The following CHD6 variants were observed in gnomAD, a reference collection of about 807,000 sequenced individuals.
The protein encoded by CHD6 is chromodomain helicase DNA binding protein 6.
In CHD6, 50 loss-of-function variants were observed where a neutral mutation model predicts 276.9. That is an observed-to-expected ratio of 0.18 (90% CI 0.14 to 0.23). The LOEUF (loss-of-function observed/expected upper bound fraction) is 0.23. Among genes scored for constraint, CHD6 ranks in the 10% least tolerant of loss-of-function variants. The probability of loss-of-function intolerance (pLI) is 1.00; values close to 1 mark genes in which losing one functional copy is unlikely to be tolerated. For synonymous variants in CHD6, 1,173 were observed against 1,229.3 expected (o/e 0.95, Z 0.96); for missense variants, 2,564 against 3,365.8 (o/e 0.76, Z 5.89).
intron 27 of CHD6, among the ~76,000 whole-genome samples, chr20:41,427,505 C>T (rs1265541471): frequency 6.6e-6 from 1 of 152,124 alleles, no homozygotes; most frequent in Non-Finnish European, 1.5e-5. Flanking sequence ...CAGTAACTTG[C>T]CCAAGGTCAC....
chr20:41,613,684 G>A (rs2146311926), intron 1 of CHD6, among the ~76,000 whole-genome samples: 1 of 152,352 alleles, frequency 6.6e-6, no homozygotes, highest in South Asian at 2.1e-4. Flanking sequence ...ATGCAAAGCA[G>A]TTGTTCTAGA....
At chr20:41,481,745 C>A (rs2145822076) in intron 16 of CHD6, among the ~76,000 whole-genome samples, 1 of 151,708 alleles carries the variant, frequency 6.6e-6, no homozygotes, top group Admixed American at 6.6e-5. Context: ...TTTATAGAGT[C>A]CCTTAAAATG....
chr20:41,498,811 ATGTGTGTGTGTG>A (rs71193638), intron 6 of CHD6, among the ~76,000 whole-genome samples: 911 of 86,590 alleles, frequency 0.011, 8 homozygotes, highest in East Asian at 0.065. Flanking sequence ...GTATGTATGT[ATGTGTGTGTGTG>A]TGTGTGTGTG....
chr20:41,549,631 C>G (rs1443619077), intron 2 of CHD6, among the ~76,000 whole-genome samples: 1 of 149,484 alleles, frequency 6.7e-6, no homozygotes, highest in African/African-American at 2.5e-5. Context: ...TACCCTAAAA[C>G]TTAAAGTATA....
intron 36 of CHD6, among the ~76,000 whole-genome samples, chr20:41,406,209 T>C (rs968280423): frequency 6.6e-6 from 1 of 152,234 alleles, no homozygotes; most frequent in Non-Finnish European, 1.5e-5. Flanking sequence ...TCTTGAACAC[T>C]GTTGGGGAAA....
chr20:41,406,750 C>G (rs1338446608), intron 36 of CHD6, among the ~76,000 whole-genome samples: 1 of 152,224 alleles, frequency 6.6e-6, no homozygotes, highest in Non-Finnish European at 1.5e-5. Flanking sequence ...ATGCCTTTCT[C>G]TCTCTCGACT....
At chr20:41,583,696 T>C (rs1415436469) in intron 1 of CHD6, among the ~76,000 whole-genome samples, 3 of 152,078 alleles carry the variant, frequency 2.0e-5, no homozygotes, top group Non-Finnish European at 4.4e-5. Context: ...CAGTGTATTG[T>C]AGAGATTATA....
chr20:41,454,476 G>A (rs2048327719), intron 20 of CHD6, 150 bp downstream of exon 20: 1 of 586,882 alleles, frequency 1.7e-6, no homozygotes, highest in African/African-American at 1.9e-5. Flanking sequence ...ATTGAGTGAT[G>A]TCTATGTGCC....
chr20:41,604,924 G>A (rs559199045), intron 1 of CHD6, among the ~76,000 whole-genome samples: 3 of 152,312 alleles, frequency 2.0e-5, no homozygotes, highest in Non-Finnish European at 4.4e-5. Context: ...ATGGGGGACA[G>A]GGAGTTGGGG....
At chr20:41,554,639 T>G (rs1338880421) in intron 1 of CHD6, among the ~76,000 whole-genome samples, 2 of 151,042 alleles carry the variant, frequency 1.3e-5, no homozygotes, top group Admixed American at 6.6e-5. Flanking sequence ...AAGCACATCT[T>G]GCACCGCCCT....
intron 1 of CHD6, among the ~76,000 whole-genome samples, chr20:41,618,006 G>A (rs1478594269): frequency 6.8e-6 from 1 of 146,482 alleles, no homozygotes; most frequent in East Asian, 2.0e-4. Flanking sequence ...GGGTCTGCCC[G>A]GACCCCCGCC....
At chr20:41,597,483 A>G (rs1261938965) in intron 1 of CHD6, among the ~76,000 whole-genome samples, 1 of 152,100 alleles carries the variant, frequency 6.6e-6, no homozygotes, top group Non-Finnish European at 1.5e-5. Context: ...CAGTTCACCA[A>G]CACCAACCTG....
intron 1 of CHD6, among the ~76,000 whole-genome samples, chr20:41,580,296 T>C (rs1476156060): frequency 6.6e-6 from 1 of 152,158 alleles, no homozygotes; most frequent in Non-Finnish European, 1.5e-5. Context: ...TATTGTACCT[T>C]AACAATATTT....
rs2044739771 is a variant in CHD6, at chr20:41,533,376, C to A, written c.228G>T (p.Met76Ile). Residue 76 changes from methionine (M) to isoleucine (I), a missense_variant, in exon 3 of 37, where the codon ATG becomes ATT. Met to Ile is a conservative substitution (Grantham distance 10). This residue lies in a region of CHD6 where 286 missense variants were observed against 297.8 expected (regional missense o/e 0.96). Coordinates refer to ENST00000373233, the MANE Select transcript of CHD6 (RefSeq NM_032221.5). Reference sequence around the variant, plus strand: ...TGTCCTCCATCCCATTATGGGATGTCATTTTCCTAGGAAAAAGGGTAGCAG... The same window carrying A: ...TGTCCTCCATCCCATTATGGGATGTAATTTTCCTAGGAAAAAGGGTAGCAG... ...EEAATLFPRKMTSHNGMEDSG... is the reference protein window; with the variant it reads ...EEAATLFPRKITSHNGMEDSG... The A allele has an allele frequency of 6.2e-7, 1 of 1,613,970 alleles. No individual in the cohort carries two copies. Among genetic ancestry groups the A allele is most frequent in the African/African-American group, 1.3e-5 (1 of 74,902 alleles).
chr20:41,498,023 C>T (rs2043730159), intron 7 of CHD6, 145 bp downstream of exon 7: 1 of 626,956 alleles, frequency 1.6e-6, no homozygotes, highest in Non-Finnish European at 2.9e-6. Flanking sequence ...GCGTTACTGC[C>T]TAAGGTAAAC....
In CHD6 at chr20:41,473,158, T is replaced by C. The variant is rs1008873744; in HGVS notation, c.2664+164A>G. ...TCTAATTAGTTGGAAGGGTCGACAT[T>C]TACTTTTCATTCAGTTTCACCCCCT... On this transcript the variant is annotated intron_variant, in intron 17 of 36. Coordinates refer to ENST00000373233, the MANE Select transcript of CHD6 (RefSeq NM_032221.5). The surrounding 1 kb of genome is among the most constrained non-coding windows in gnomAD (Gnocchi z 4.1). 1.4e-5 allele frequency: 8 copies of C among 580,818 alleles called. No individual in the cohort carries two copies. The African/African-American group carries it at 1.5e-4, about 11-fold the overall frequency. 36.0% of individuals were successfully genotyped at this position (580,818 alleles called of 1,614,324 possible). A position where few individuals can be genotyped will look rare whatever the true frequency, so the allele number is the denominator to read the frequency against.
chr20:41,569,267 TAGG>T (rs1235858141), intron 1 of CHD6, among the ~76,000 whole-genome samples: 2 of 152,224 alleles, frequency 1.3e-5, no homozygotes, highest in Non-Finnish European at 2.9e-5. Flanking sequence ...GCAGAATATT[TAGG>T]AGGCCACTTT....
At chr20:41,556,319 A>AGGGAGG (rs2045236513) in intron 1 of CHD6, among the ~76,000 whole-genome samples, 3 of 115,266 alleles carry the variant, frequency 2.6e-5, no homozygotes, top group Admixed American at 8.5e-5. Flanking sequence ...GGAGAGGGAG[A>AGGGAGG]GGGCACCTTT....
At chr20:41,487,142 T>C (rs1382141110) in intron 14 of CHD6, among the ~76,000 whole-genome samples, 1 of 152,218 alleles carries the variant, frequency 6.6e-6, no homozygotes, top group Non-Finnish European at 1.5e-5. Flanking sequence ...AAGGTAGACT[T>C]GGAACTGGAC....
Sources: gnomAD v4.1 joint callset for allele counts (sites outside exome capture counted in the v4.1 genomes callset) on GRCh38, gnomAD v4.1.1 for gene constraint, gnomAD v4.1.1 regional missense constraint, Gnocchi (gnomAD v3.1) non-coding constraint, MANE v1.5 for transcripts, NCBI Gene and HGNC (gene_info 2026-07-23, HGNC 2026-07-21) for gene names.